Variants in BMERB1 observed in about 807,000 individuals in gnomAD.
The protein encoded by BMERB1 is bMERB domain-containing protein 1.
A neutral mutation model predicts 23.6 loss-of-function variants in BMERB1; 12 were observed. The ratio of observed to expected loss-of-function variants is 0.51; its 90% CI spans 0.33 to 0.82. BMERB1 has a LOEUF of 0.82. Ranked by LOEUF, BMERB1 falls within the 40% of genes least tolerant of loss-of-function variation. BMERB1 has a pLI of 0.03. For missense variants in BMERB1, 247 were observed against 255.4 expected (o/e 0.97, Z 0.22); for synonymous variants, 122 against 96.6 (o/e 1.26, Z -1.54).
chr16:15,529,966 C>G (rs1206481789), intron 2 of BMERB1, among the ~76,000 whole-genome samples: 1 of 152,172 alleles, frequency 6.6e-6, no homozygotes, highest in East Asian at 1.9e-4. Context: ...GAGCTGAAAT[C>G]AGGTGTTGGC....
At chr16:15,555,872 T>A (rs1490335033) in intron 2 of BMERB1, among the ~76,000 whole-genome samples, 1 of 151,848 alleles carries the variant, frequency 6.6e-6, no homozygotes, top group African/African-American at 2.4e-5. Context: ...ACCATTTGAT[T>A]TGAGGAAATT....
At chr16:15,498,473 AT>A (rs1295883836) in intron 1 of BMERB1, among the ~76,000 whole-genome samples, 1 of 152,036 alleles carries the variant, frequency 6.6e-6, no homozygotes, top group Non-Finnish European at 1.5e-5. Context: ...GCAGTGAGGT[AT>A]GATCACACCA....
intron 2 of BMERB1, among the ~76,000 whole-genome samples, chr16:15,543,894 T>A (rs1642983986): frequency 6.6e-6 from 1 of 152,204 alleles, no homozygotes; most frequent in Non-Finnish European, 1.5e-5. Context: ...TTGTTATGAT[T>A]CTTAAATGAA....
At chr16:15,509,581 C>A (rs1219491313) in intron 1 of BMERB1, among the ~76,000 whole-genome samples, 1 of 152,166 alleles carries the variant, frequency 6.6e-6, no homozygotes, top group Non-Finnish European at 1.5e-5. Flanking sequence ...TGACTAGTGT[C>A]AAATGAGGAT....
intron 2 of BMERB1, among the ~76,000 whole-genome samples, chr16:15,550,160 C>CT (rs1469198754): frequency 1.3e-5 from 2 of 152,172 alleles, no homozygotes; most frequent in Non-Finnish European, 2.9e-5. Context: ...AGGATGGTCT[C>CT]TATCTCCTGA....
intron 2 of BMERB1, among the ~76,000 whole-genome samples, chr16:15,558,904 G>A (rs2030343346): frequency 6.6e-6 from 1 of 151,582 alleles, no homozygotes; most frequent in African/African-American, 2.4e-5. Flanking sequence ...AGAACCGAAG[G>A]CCCTAATTAT....
chr16:15,522,431 C>CCA (rs67864782), intron 2 of BMERB1, among the ~76,000 whole-genome samples: 6,321 of 149,080 alleles, frequency 0.042, 264 homozygotes, highest in African/African-American at 0.097. Flanking sequence ...GTGTTGAAAA[C>CCA]CACACACACA....
chr16:15,545,554 G>C (rs958011113), intron 2 of BMERB1, among the ~76,000 whole-genome samples: 4 of 152,164 alleles, frequency 2.6e-5, no homozygotes, highest in Non-Finnish European at 5.9e-5. Context: ...AGAAGGCTAT[G>C]AGTGGGGATG....
intron 1 of BMERB1, among the ~76,000 whole-genome samples, chr16:15,479,285 C>T (rs1468314152): frequency 1.3e-5 from 2 of 151,920 alleles, no homozygotes; most frequent in East Asian, 3.9e-4. Context: ...TGAAATGTGT[C>T]AAATGTGGAA....
At chr16:15,497,490 A>G (rs548355604) in intron 1 of BMERB1, among the ~76,000 whole-genome samples, 4 of 152,212 alleles carry the variant, frequency 2.6e-5, no homozygotes, top group African/African-American at 4.8e-5. Context: ...GTCAATTTCT[A>G]TGTTTATCAA....
intron 2 of BMERB1, among the ~76,000 whole-genome samples, chr16:15,529,014 A>AGTGT (rs1715133097): frequency 1.4e-5 from 2 of 144,916 alleles, no homozygotes; most frequent in African/African-American, 5.7e-5. Flanking sequence ...ATGAAAAATA[A>AGTGT]GTGTTTGTTT....
intron 3 of BMERB1, among the ~76,000 whole-genome samples, chr16:15,570,034 A>C (rs2150972937): frequency 6.6e-6 from 1 of 152,320 alleles, no homozygotes; most frequent in South Asian, 2.1e-4. Flanking sequence ...GGTTAAAGGC[A>C]AGATGGGGGT....
chr16:15,571,261 A>G (rs1209367542), intron 3 of BMERB1, among the ~76,000 whole-genome samples: 2 of 152,190 alleles, frequency 1.3e-5, no homozygotes, highest in African/African-American at 4.8e-5. Context: ...GGGGTGTGCA[A>G]CATTGCCCTA....
chr16:15,583,762 C>A (rs1323952169), intron 5 of BMERB1, among the ~76,000 whole-genome samples: 1 of 152,044 alleles, frequency 6.6e-6, no homozygotes, highest in East Asian at 1.9e-4. Flanking sequence ...CCTCATGGGC[C>A]TGTAGGCAGT....
At chr16:15,494,469 C>T (rs767476588) in intron 1 of BMERB1, among the ~76,000 whole-genome samples, 13 of 152,024 alleles carry the variant, frequency 8.6e-5, no homozygotes, top group South Asian at 4.1e-4. Flanking sequence ...AATAATTTGC[C>T]GGAACTCTTG....
intron 1 of BMERB1, among the ~76,000 whole-genome samples, chr16:15,513,569 T>A (rs978307925): frequency 6.6e-6 from 1 of 152,212 alleles, no homozygotes; most frequent in African/African-American, 2.4e-5. Context: ...ACATTTTAAC[T>A]GCTAACATTT....
intron 1 of BMERB1, 85 bp downstream of exon 1, chr16:15,434,844 G>A: frequency 8.3e-7 from 1 of 1,202,696 alleles, no homozygotes. Context: ...CGCGAGGAAC[G>A]CCAGCAGTGG....
At chr16:15,488,184 A>G (rs1385364166) in intron 1 of BMERB1, among the ~76,000 whole-genome samples, 2 of 152,204 alleles carry the variant, frequency 1.3e-5, no homozygotes, top group African/African-American at 2.4e-5. Flanking sequence ...GCAGTCATCA[A>G]CAGTACCTAA....
At chr16:15,492,282 G>A (rs1003211817) in intron 1 of BMERB1, among the ~76,000 whole-genome samples, 3 of 152,124 alleles carry the variant, frequency 2.0e-5, no homozygotes, top group Non-Finnish European at 2.9e-5. Context: ...TGCATCTCCC[G>A]CTGCACTGCT....
Sources: allele counts gnomAD v4.1 joint callset (sites outside exome capture counted in the v4.1 genomes callset), GRCh38; gene constraint gnomAD v4.1.1; transcripts MANE v1.5; gene names NCBI Gene and HGNC (gene_info 2026-07-23, HGNC 2026-07-21).